CCDC7: variants seen among roughly 807,000 people sequenced by gnomAD.
CCDC7 encodes coiled-coil domain containing 7.
Under a neutral mutation model 196.9 loss-of-function variants are expected in CCDC7, and 183 were observed. The ratio of observed to expected loss-of-function variants is 0.93; its 90% confidence interval spans 0.82 to 1.05. The LOEUF (loss-of-function observed/expected upper bound fraction) is 1.05. Among genes scored for constraint, CCDC7 ranks in the 50% least tolerant of loss-of-function variants. The pLI, the probability that CCDC7 is intolerant of heterozygous loss-of-function variation, is 0.00. For missense variants in CCDC7, 1,540 were observed against 1,482.2 expected, an observed-to-expected ratio of 1.04 and a Z score of -0.64; for synonymous variants, 525 against 484.6, an observed-to-expected ratio of 1.08 and a Z score of -1.10.
chr10:32,790,215 C>T (rs991676777), intron 29 of CCDC7, among the ~76,000 whole-genome samples: 5 of 152,236 alleles, frequency 3.3e-5, no homozygotes, highest in Non-Finnish European at 7.3e-5. Flanking sequence ...GACTCCACGG[C>T]CCGCTCAGCA....
At chr10:32,708,705 A>C (rs2504345) in intron 24 of CCDC7, among the ~76,000 whole-genome samples, 126,553 of 151,754 alleles carry the variant, frequency 0.83, 53,385 homozygotes, top group Non-Finnish European at 0.9. Context: ...ATGCAGCCAA[A>C]AAACACATGA....
intron 29 of CCDC7, among the ~76,000 whole-genome samples, chr10:32,780,746 A>G (rs2080921876): frequency 6.6e-6 from 1 of 152,194 alleles, no homozygotes; most frequent in Non-Finnish European, 1.5e-5. Flanking sequence ...CATACAAAAA[A>G]CAGGTATCAA....
downstream of CCDC7, among the ~76,000 whole-genome samples, chr10:32,880,181 G>T (rs2094737499): frequency 6.6e-6 from 1 of 152,120 alleles, no homozygotes. Flanking sequence ...GTGTAAAAGT[G>T]TTCCTATTTC....
intron 28 of CCDC7, among the ~76,000 whole-genome samples, chr10:32,755,488 G>C (rs552167697): frequency 6.0e-4 from 92 of 152,218 alleles, no homozygotes; most frequent in Non-Finnish European, 1.1e-3. Flanking sequence ...CAGGCAAATA[G>C]GATCTGCAGT....
intron 33 of CCDC7, 38 bp downstream of exon 34, chr10:32,834,936 T>G: frequency 1.2e-6 from 1 of 860,786 alleles, no homozygotes; most frequent in Non-Finnish European, 1.9e-6. Flanking sequence ...TGTTAATGGC[T>G]TATTTAGCTC....
chr10:32,743,498 G>T (rs1484158185), intron 28 of CCDC7, among the ~76,000 whole-genome samples: 3 of 152,094 alleles, frequency 2.0e-5, no homozygotes, highest in Non-Finnish European at 2.9e-5. Context: ...GTCCTCAACG[G>T]TATTGCCTAG....
chr10:32,854,995 G>C (rs1030186600), intron 41 of CCDC7, among the ~76,000 whole-genome samples: 1 of 152,058 alleles, frequency 6.6e-6, no homozygotes, highest in Non-Finnish European at 1.5e-5. Context: ...ATTAGCAAAC[G>C]TTTCAAATTA....
At chr10:32,726,197 A>G (rs1489854344) in intron 25 of CCDC7, among the ~76,000 whole-genome samples, 2 of 152,016 alleles carry the variant, frequency 1.3e-5, no homozygotes, top group African/African-American at 4.8e-5. Context: ...TTCACTTAAC[A>G]TTATCTTCTA....
Position 32,845,874 on chromosome 10 carries a change from A to G in CCDC7, c.3521-2A>G, listed in dbSNP as rs2093268864. On this transcript the variant is annotated splice_acceptor_variant, in intron 35 of 41. Transcript: ENST00000639629. LOFTEE classifies it high-confidence loss of function. ...ATATTGAAATCTGTTTTATTTCAAT[A>G]GAGACTGATAAGGAATTCTTGGCAG... 3 of 1,601,308 alleles carry G rather than the reference A, an allele frequency of 1.9e-6. No individual in the cohort carries two copies. The highest frequency in any genetic ancestry group is 2.6e-6 in the Non-Finnish European group (3 of 1,168,990).
chr10:32,544,556 G>T, intron 13 of CCDC7: 1 of 254,406 alleles, frequency 3.9e-6, no homozygotes, highest in Non-Finnish European at 7.4e-6. Context: ...AATTACCATG[G>T]TTTAAACAAC....
At chr10:32,702,461 A>C (rs776212905) in intron 24 of CCDC7, among the ~76,000 whole-genome samples, 48 of 152,140 alleles carry the variant, frequency 3.2e-4, no homozygotes, top group Non-Finnish European at 5.3e-4. Flanking sequence ...ATTTTCGAAT[A>C]GGTGTGGTGT....
intron 9 of CCDC7, among the ~76,000 whole-genome samples, chr10:32,497,184 T>C (rs571826339): frequency 3.9e-5 from 6 of 152,212 alleles, no homozygotes; most frequent in Non-Finnish European, 8.8e-5. Flanking sequence ...TGTGTAGAGG[T>C]GTTTATAGTA....
intron 15 of CCDC7, among the ~76,000 whole-genome samples, chr10:32,571,022 T>TG (rs2057480723): frequency 1.3e-5 from 2 of 150,912 alleles, no homozygotes; most frequent in Non-Finnish European, 3.0e-5. Flanking sequence ...TTTTTTTTTT[T>TG]TGAGAGAGAG....
At chr10:32,805,021 A>C (rs2085539848) in exon 30 of CCDC7, 1 of 1,599,266 alleles carries the variant, frequency 6.3e-7, no homozygotes, top group Admixed American at 1.7e-5. Context: ...ATAGAGACTG[A>C]TATAGAAAGC....
At chr10:32,682,765 C>T (rs571763374) in intron 21 of CCDC7, among the ~76,000 whole-genome samples, 1 of 152,224 alleles carries the variant, frequency 6.6e-6, no homozygotes, top group East Asian at 1.9e-4. Context: ...AGCATTTTTC[C>T]TATGCTTGTT....
At chr10:32,461,761 A>G (rs112608591) in intron 3 of CCDC7, among the ~76,000 whole-genome samples, 12,322 of 108,008 alleles carry the variant, frequency 0.11, 995 homozygotes, top group East Asian at 0.41. Context: ...ACATATATAT[A>G]TATGCACATA....
chr10:32,587,095 T>G (rs780240333), intron 18 of CCDC7, among the ~76,000 whole-genome samples: 1 of 152,166 alleles, frequency 6.6e-6, no homozygotes, highest in Non-Finnish European at 1.5e-5. Flanking sequence ...TTAACCATCT[T>G]TAAGTATACA....
intron 5 of CCDC7, among the ~76,000 whole-genome samples, chr10:32,470,420 T>C (rs2037709723): frequency 6.6e-6 from 1 of 152,158 alleles, no homozygotes; most frequent in Admixed American, 6.5e-5. Context: ...TCTTTTGCTG[T>C]GGTTTTTGGA....
At chr10:32,851,928 T>G (rs140797225) in exon 40 of CCDC7, 2 of 1,587,878 alleles carry the variant, frequency 1.3e-6, no homozygotes, top group African/African-American at 1.4e-5. Flanking sequence ...ATCAACTCCC[T>G]TCAGGTAATT....
Sources: allele counts gnomAD v4.1 joint callset (sites outside exome capture counted in the v4.1 genomes callset), GRCh38; gene constraint gnomAD v4.1.1; transcripts MANE v1.5; gene names NCBI Gene and HGNC (gene_info 2026-07-23, HGNC 2026-07-21).